The following AFDN variants were observed in gnomAD, a reference collection of about 807,000 sequenced individuals.
The protein encoded by AFDN is afadin.
In AFDN, 68 loss-of-function variants were observed where a neutral mutation model predicts 216.6. That is an observed-to-expected ratio of 0.31 (90% confidence interval 0.26 to 0.38). The LOEUF (loss-of-function observed/expected upper bound fraction) is 0.38, where lower values mean the gene tolerates loss of function less well. Ranked by LOEUF, AFDN falls within the 10% of genes least tolerant of loss-of-function variation. The pLI is 1.00. For synonymous variants in AFDN, 868 were observed against 853.7 expected, an observed-to-expected ratio of 1.02 and a Z score of -0.29; for missense variants, 2,136 against 2,342.0, an observed-to-expected ratio of 0.91 and a Z score of 1.82.
At position 167,952,011 on chromosome 6, in the gene AFDN, A is replaced by T; in HGVS notation, c.4657A>T (p.Lys1553Ter). 1 of 1,614,208 alleles carries T rather than the reference A, an allele frequency of 6.2e-7. No homozygotes were observed. Among genetic ancestry groups the T allele is most frequent in the Non-Finnish European group, 8.5e-7 (1 of 1,180,038 alleles). Residue 1553 changes from lysine to a stop codon, truncating the protein, a stop_gained, in exon 30 of 34, where the codon AAA (lysine) becomes TAA (stop). Coordinates refer to ENST00000683244, the MANE Select transcript of AFDN (RefSeq NM_001386888.1). LOFTEE classifies it high-confidence loss of function. ...LSKEIQELQS[K>*]PDRSAEESDR... ...CAAGGAGATCCAGGAGCTCCAGAGC[A>T]AACCGGACCGCAGCGCCGAGGAGAG...
chr6:167,922,827 C>A (rs759732082), intron 21 of AFDN, 29 bp from the exon 22 acceptor site: 82 of 1,451,360 alleles, frequency 5.6e-5, no homozygotes, highest in Non-Finnish European at 7.8e-5. Flanking sequence ...TGTGCTTTTT[C>A]ACTTACAATT....
At chr6:167,944,208 G>T in intron 26 of AFDN, 149 bp downstream of exon 26, 2 of 589,340 alleles carry the variant, frequency 3.4e-6, no homozygotes, top group Non-Finnish European at 5.8e-6. Context: ...CATAGTGCCT[G>T]GGATTCCCAT....
chr6:167,941,865 A>G (rs1410866487), intron 23 of AFDN, among the ~76,000 whole-genome samples: 2 of 152,230 alleles, frequency 1.3e-5, no homozygotes, highest in African/African-American at 4.8e-5. Flanking sequence ...AAAAGCTGCA[A>G]AGGAGAATAC....
intron 1 of AFDN, among the ~76,000 whole-genome samples, chr6:167,828,179 T>C (rs1779417440): frequency 1.3e-5 from 2 of 152,254 alleles, no homozygotes. Context: ...GAAATCATTT[T>C]AATAGCGTCT....
At chr6:167,882,836 T>C (rs1786304002) in intron 6 of AFDN, among the ~76,000 whole-genome samples, 2 of 152,214 alleles carry the variant, frequency 1.3e-5, no homozygotes, top group Admixed American at 1.3e-4. Flanking sequence ...AAAACTAGTA[T>C]TGAAAAGAAT....
intron 1 of AFDN, among the ~76,000 whole-genome samples, chr6:167,855,550 T>G (rs1409518659): frequency 2.0e-5 from 3 of 152,078 alleles, no homozygotes; most frequent in Admixed American, 2.0e-4. Flanking sequence ...CCTTTCTTAT[T>G]TAATTTAAAA....
intron 3 of AFDN, among the ~76,000 whole-genome samples, chr6:167,871,861 C>G (rs1784834658): frequency 2.0e-5 from 3 of 152,166 alleles, no homozygotes; most frequent in Non-Finnish European, 2.9e-5. Flanking sequence ...ATGTAAATTA[C>G]TTGGAGTTTT....
chr6:167,952,640 T>G, intron 30 of AFDN: 1 of 253,380 alleles, frequency 3.9e-6, no homozygotes, highest in Non-Finnish European at 6.2e-6. Flanking sequence ...CAGGCACAAG[T>G]AAACACATGG....
At chr6:167,834,833 A>G (rs1463170024) in intron 1 of AFDN, among the ~76,000 whole-genome samples, 1 of 151,902 alleles carries the variant, frequency 6.6e-6, no homozygotes, top group Non-Finnish European at 1.5e-5. Flanking sequence ...TTAAAAAAAA[A>G]TTAACAAGCA....
At chr6:167,855,225 G>A (rs1003777145) in intron 1 of AFDN, among the ~76,000 whole-genome samples, 1 of 152,042 alleles carries the variant, frequency 6.6e-6, no homozygotes, top group Non-Finnish European at 1.5e-5. Flanking sequence ...CTATTAAAAT[G>A]AATACAGTTG....
At chr6:167,915,032 G>T in intron 18 of AFDN, 136 bp from the exon 19 acceptor site, 1 of 875,444 alleles carries the variant, frequency 1.1e-6, no homozygotes, top group Non-Finnish European at 1.7e-6. Flanking sequence ...TTTCCTCTTG[G>T]AATGAAGTTG....
chr6:167,938,205 A>G (rs1404481374), intron 23 of AFDN, among the ~76,000 whole-genome samples: 1 of 152,228 alleles, frequency 6.6e-6, no homozygotes. Context: ...TATATCTTGC[A>G]TCAGAAAGAC....
At chr6:167,834,079 T>A (rs1036099352) in intron 1 of AFDN, among the ~76,000 whole-genome samples, 2 of 152,192 alleles carry the variant, frequency 1.3e-5, no homozygotes, top group African/African-American at 4.8e-5. Context: ...TTAATTTCAT[T>A]GGGAAAAACT....
rs765656174 is a variant in AFDN at position 167,943,465 on chromosome 6, T to C, written c.3229T>C (p.Ser1077Pro). 2.5e-6 allele frequency: 4 copies of C among 1,613,478 alleles called. No individual in the cohort carries two copies. The highest frequency in any genetic ancestry group is 1.7e-6 in the Non-Finnish European group (2 of 1,179,364). Reference sequence around the variant, plus strand: ...GGATGGACGAAGTCTGGTTGGACTCTCTCAGGAAAGGTATCATTGATTTAT... The same window carrying C: ...GGATGGACGAAGTCTGGTTGGACTCCCTCAGGAAAGGTATCATTGATTTAT... ...SVDGRSLVGLSQERAAELMTR... is the reference protein window; with the variant it reads ...SVDGRSLVGLPQERAAELMTR... Residue 1077 changes from serine to proline, a missense_variant, in exon 25 of 34, where the codon TCT becomes CCT. Coordinates refer to ENST00000683244, the MANE Select transcript of AFDN (RefSeq NM_001386888.1).
chr6:167,864,015 C>T (rs917386966), intron 1 of AFDN, among the ~76,000 whole-genome samples: 2 of 152,004 alleles, frequency 1.3e-5, no homozygotes, highest in African/African-American at 2.4e-5. Context: ...ACCAACATTT[C>T]CCTCTTGCTT....
intron 1 of AFDN, among the ~76,000 whole-genome samples, chr6:167,843,250 C>T (rs1352890775): frequency 6.6e-6 from 1 of 152,184 alleles, no homozygotes; most frequent in Non-Finnish European, 1.5e-5. Flanking sequence ...ATTTCATCAC[C>T]TGGAGGACTC....
At chr6:167,902,234 G>C (rs1789068821) in intron 11 of AFDN, 83 bp from the exon 12 acceptor site, 1 of 959,934 alleles carries the variant, frequency 1.0e-6, no homozygotes, top group African/African-American at 1.6e-5. Context: ...TGGTATTTTA[G>C]TTCTTCCTTG....
intron 30 of AFDN, among the ~76,000 whole-genome samples, chr6:167,958,439 G>C (rs1337666052): frequency 6.6e-6 from 1 of 152,128 alleles, no homozygotes; most frequent in Admixed American, 6.5e-5. Flanking sequence ...GCCTCTTTTT[G>C]TAACACTGTA....
At chr6:167,868,452 T>A (rs960827193) in intron 2 of AFDN, among the ~76,000 whole-genome samples, 2 of 152,192 alleles carry the variant, frequency 1.3e-5, no homozygotes, top group Admixed American at 6.5e-5. Context: ...TATCTCATAT[T>A]TATCATTTAT....
Sources: gnomAD v4.1 joint callset for allele counts (sites outside exome capture counted in the v4.1 genomes callset) on GRCh38, gnomAD v4.1.1 for gene constraint, MANE v1.5 for transcripts, NCBI Gene and HGNC (gene_info 2026-07-23, HGNC 2026-07-21) for gene names.